MMP16: variants seen among roughly 807,000 people sequenced by gnomAD.
MMP16 encodes matrix metallopeptidase 16.
MMP16 carries 12 observed loss-of-function variants against 67.8 expected under a neutral mutation model. The ratio of observed to expected loss-of-function variants is 0.18; its 90% CI spans 0.11 to 0.29. MMP16 has a LOEUF of 0.29. MMP16 is among the 10% of genes least tolerant of loss of function. The pLI is 1.00. For synonymous variants in MMP16, 249 were observed against 255.9 expected, an observed-to-expected ratio of 0.97 and a Z score of 0.26; for missense variants, 475 against 765.7, an observed-to-expected ratio of 0.62 and a Z score of 4.48.
At chr8:88,272,520 TA>T (rs35509129) in intron 1 of MMP16, among the ~76,000 whole-genome samples, 90,354 of 151,888 alleles carry the variant, frequency 0.59, 27,938 homozygotes, top group East Asian at 0.84. Context: ...AACCTGAGAT[TA>T]AAAAACAAAA....
chr8:88,234,338 C>T (rs1235865761), intron 1 of MMP16, among the ~76,000 whole-genome samples: 1 of 152,192 alleles, frequency 6.6e-6, no homozygotes, highest in African/African-American at 2.4e-5. Flanking sequence ...GGTATTACTG[C>T]TTTCCTAAGA....
intron 7 of MMP16, among the ~76,000 whole-genome samples, chr8:88,070,926 T>C (rs543814473): frequency 3.9e-5 from 6 of 152,168 alleles, no homozygotes; most frequent in South Asian, 2.1e-4. Flanking sequence ...TCTACCATTA[T>C]AGTGCACTAT....
intron 1 of MMP16, among the ~76,000 whole-genome samples, chr8:88,311,838 C>G (rs530680586): frequency 6.6e-6 from 1 of 151,902 alleles, no homozygotes; most frequent in South Asian, 2.1e-4. Context: ...GTCTTGCATG[C>G]CATGTTATAA....
chr8:88,092,539 G>C (rs1808955431), intron 6 of MMP16, among the ~76,000 whole-genome samples: 2 of 151,718 alleles, frequency 1.3e-5, no homozygotes, highest in African/African-American at 2.4e-5. Flanking sequence ...CCCAAATAAA[G>C]CTCACCTTAG....
At chr8:88,311,306 A>C (rs1811290816) in intron 1 of MMP16, among the ~76,000 whole-genome samples, 1 of 152,174 alleles carries the variant, frequency 6.6e-6, no homozygotes, top group South Asian at 2.1e-4. Context: ...AGATCATCAA[A>C]GTTTGATCCA....
intron 3 of MMP16, among the ~76,000 whole-genome samples, chr8:88,185,343 C>A (rs1386449838): frequency 1.3e-5 from 2 of 152,022 alleles, no homozygotes; most frequent in Non-Finnish European, 2.9e-5. Context: ...CCTGTAATCT[C>A]AGCTACTTGG....
rs533175901 is a variant in MMP16 at position 88,125,189 on chromosome 8, A to G, written c.710-6328T>C. Among the ~76,000 whole-genome samples the G allele has an allele frequency of 4.8e-5, 7 of 144,760 alleles. No individual in the cohort carries two copies. The East Asian group carries it at 1.4e-3, about 29-fold the overall frequency. The allele number at this position is 144,760 out of a possible 152,430, so 95.0% of individuals were successfully genotyped here. The stretch of plus-strand genomic sequence containing the variant: ...TTAATTAAGTCTGAAAGTCCTGGAG[A>G]TTTTTTTTTTTTTTACAAAATTAGA... On this transcript the variant is annotated intron_variant, in intron 4 of 9. Coordinates refer to ENST00000286614, the MANE Select transcript of MMP16 (RefSeq NM_005941.5).
chr8:88,118,606 G>T, intron 5 of MMP16, 94 bp downstream of exon 5: 2 of 1,172,136 alleles, frequency 1.7e-6, no homozygotes, highest in Non-Finnish European at 2.5e-6. Context: ...AGTCATCTGT[G>T]TTATACTTAG....
chr8:88,124,640 G>A (rs1280046413), intron 4 of MMP16, among the ~76,000 whole-genome samples: 3 of 151,972 alleles, frequency 2.0e-5, no homozygotes, highest in Non-Finnish European at 2.9e-5. Context: ...GTAGGCATCT[G>A]TAATAACAGT....
chr8:88,229,768 G>C (rs1488009893), intron 1 of MMP16, among the ~76,000 whole-genome samples: 1 of 151,946 alleles, frequency 6.6e-6, no homozygotes, highest in African/African-American at 2.4e-5. Flanking sequence ...AAGATTAGTT[G>C]ATGTGAATAA....
chr8:88,302,434 GT>G (rs1403448991), intron 1 of MMP16, among the ~76,000 whole-genome samples: 1 of 152,130 alleles, frequency 6.6e-6, no homozygotes, highest in African/African-American at 2.4e-5. Flanking sequence ...TGCGTCCCTT[GT>G]TATATTATCT....
chr8:88,218,973 A>C (rs1038069418), intron 1 of MMP16, among the ~76,000 whole-genome samples: 22 of 152,226 alleles, frequency 1.4e-4, no homozygotes, highest in African/African-American at 4.6e-4. Context: ...AGCGTCAACC[A>C]TACACAAGGA....
intron 9 of MMP16, among the ~76,000 whole-genome samples, chr8:88,045,019 A>C (rs1014524123): frequency 4.6e-5 from 7 of 152,066 alleles, no homozygotes; most frequent in Non-Finnish European, 1.0e-4. Context: ...TTTTAATCTT[A>C]GTCTCACTGT....
rs113226168 is a variant in MMP16, at chr8:88,141,779, C to T, written c.710-22918G>A. On this transcript the variant is annotated intron_variant, in intron 4 of 9. Transcript: ENST00000286614. Reference sequence around the variant, plus strand: ...TACATATTACTGGTAGGAGTATAAACTTGCTCTGCATTTCTGAAAAACAAC... The same window carrying T: ...TACATATTACTGGTAGGAGTATAAATTTGCTCTGCATTTCTGAAAAACAAC... Among the ~76,000 whole-genome samples, 32 of 152,256 alleles carry T rather than the reference C, an allele frequency of 2.1e-4. No homozygotes were observed. In the East Asian group the frequency reaches 5.8e-3, roughly 28 times the overall value.
At chr8:88,108,605 T>C (rs1809282482) in intron 6 of MMP16, among the ~76,000 whole-genome samples, 1 of 151,264 alleles carries the variant, frequency 6.6e-6, no homozygotes, top group Non-Finnish European at 1.5e-5. Context: ...GGAGTGGTGA[T>C]TGATAGCGCT....
At position 88,310,880 on chromosome 8, in the gene MMP16, A is replaced by G. The variant is rs28907901; in HGVS notation, c.132+16195T>C. On this transcript the variant is annotated intron_variant, in intron 1 of 9. Transcript: ENST00000286614. Reference sequence around the variant, plus strand: ...TAGACACAGGAAGACCAAAACTCAAAGGCACAAGGAAAAGAAGGAGGTGGA... The same window carrying G: ...TAGACACAGGAAGACCAAAACTCAAGGGCACAAGGAAAAGAAGGAGGTGGA... Among the ~76,000 whole-genome samples, 857 of 152,280 alleles carry G rather than the reference A, an allele frequency of 5.6e-3. 9 individuals carry two copies. Among genetic ancestry groups the G allele is most frequent in the African/African-American group, 0.019 (807 of 41,576 alleles).
chr8:88,149,404 G>A (rs1024021035), intron 4 of MMP16, among the ~76,000 whole-genome samples: 2 of 152,268 alleles, frequency 1.3e-5, no homozygotes, highest in East Asian at 1.9e-4. Context: ...CACCTCTGGG[G>A]GCAGGGCACA....
At chr8:88,078,257 C>G (rs1301302722) in intron 6 of MMP16, among the ~76,000 whole-genome samples, 2 of 152,172 alleles carry the variant, frequency 1.3e-5, no homozygotes, top group African/African-American at 4.8e-5. Context: ...GGAATTCCTA[C>G]TTAAACACCA....
chr8:88,164,368 A>G (rs1808678241), intron 4 of MMP16, among the ~76,000 whole-genome samples: 1 of 152,108 alleles, frequency 6.6e-6, no homozygotes, highest in African/African-American at 2.4e-5. Flanking sequence ...TTGTGATACA[A>G]AAATAGTTTC....
Sources: allele counts gnomAD v4.1 joint callset (sites outside exome capture counted in the v4.1 genomes callset), GRCh38; gene constraint gnomAD v4.1.1; transcripts MANE v1.5; gene names NCBI Gene and HGNC (gene_info 2026-07-23, HGNC 2026-07-21).